SPON1: variants seen among roughly 807,000 people sequenced by gnomAD.
The protein encoded by SPON1 is spondin-1.
In SPON1, 52 loss-of-function variants were observed where a neutral mutation model predicts 111.7. The ratio of observed to expected loss-of-function variants is 0.47; its 90% confidence interval spans 0.37 to 0.59. SPON1 has a LOEUF of 0.59. Ranked by LOEUF, SPON1 falls within the 20% of genes least tolerant of loss-of-function variation. The pLI, the probability that SPON1 is intolerant of heterozygous loss-of-function variation, is 0.00. For synonymous variants in SPON1, 410 were observed against 395.8 expected (o/e 1.04, Z -0.43); for missense variants, 957 against 1,068.5 (o/e 0.90, Z 1.46).
rs1393577150 is a variant in SPON1, at chr11:14,041,754, C to T, written c.479+100C>T. The T allele has an allele frequency of 3.7e-6, 5 of 1,350,792 alleles. No individual in the cohort carries two copies. In the East Asian group the frequency reaches 9.7e-5, roughly 26 times the overall value. 83.7% of individuals were successfully genotyped at this position (1,350,792 alleles called of 1,614,324 possible). The stretch of plus-strand genomic sequence containing the variant: ...TTCTTTACTGAGCATCAGAAAGTTG[C>T]ATCATCTCTCTGCCCTCCCTTATCT... On this transcript the variant is annotated intron_variant, in intron 3 of 15. Coordinates refer to ENST00000576479, the MANE Select transcript of SPON1 (RefSeq NM_006108.4).
At chr11:13,963,292 C>T in intron 1 of SPON1, 150 bp downstream of exon 1, 1 of 575,720 alleles carries the variant, frequency 1.7e-6, no homozygotes, top group Non-Finnish European at 2.9e-6. Context: ...TGCCCTCGGC[C>T]CTTGCAGTCG....
At chr11:14,147,673 T>G (rs889580392) in intron 6 of SPON1, among the ~76,000 whole-genome samples, 1 of 151,522 alleles carries the variant, frequency 6.6e-6, no homozygotes, top group Non-Finnish European at 1.5e-5. Flanking sequence ...TGCCTTGGCC[T>G]CCCAAAGTGC....
At chr11:14,160,673 A>T in intron 6 of SPON1, among the ~76,000 whole-genome samples, 1 of 15,408 alleles carries the variant, frequency 6.5e-5, no homozygotes, top group East Asian at 2.7e-3. Context: ...ATATATTTAC[A>T]TATATTTATA....
chr11:14,190,632 C>CTT (rs1554934452), intron 6 of SPON1, among the ~76,000 whole-genome samples: 46 of 137,210 alleles, frequency 3.4e-4, no homozygotes, highest in Middle Eastern at 3.8e-3. Flanking sequence ...CTTTTCTTTT[C>CTT]TTTTTCTTTT....
chr11:14,255,861 T>C, intron 9 of SPON1, 74 bp downstream of exon 9: 1 of 1,490,804 alleles, frequency 6.7e-7, no homozygotes, highest in Admixed American at 2.0e-5. Flanking sequence ...ACCCTTCTGC[T>C]CTAGAATCAT....
chr11:14,177,445 G>A (rs1053634991), intron 6 of SPON1, among the ~76,000 whole-genome samples: 2 of 152,120 alleles, frequency 1.3e-5, no homozygotes, highest in Admixed American at 1.3e-4. Context: ...TTCTTGTGCT[G>A]AGTCAGTTCC....
At chr11:14,191,785 G>A (rs1262935907) in intron 6 of SPON1, among the ~76,000 whole-genome samples, 1 of 152,204 alleles carries the variant, frequency 6.6e-6, no homozygotes, top group East Asian at 1.9e-4. Context: ...TGCTGATTAT[G>A]AAAGCTGTAA....
At chr11:14,250,988 G>C (rs879955598) in intron 7 of SPON1, among the ~76,000 whole-genome samples, 4 of 152,202 alleles carry the variant, frequency 2.6e-5, no homozygotes, top group East Asian at 3.8e-4. Context: ...ATATAGCTAT[G>C]AGCACGGCAG....
chr11:14,144,850 G>T (rs1847700362), intron 6 of SPON1, among the ~76,000 whole-genome samples: 1 of 152,154 alleles, frequency 6.6e-6, no homozygotes, highest in Non-Finnish European at 1.5e-5. Flanking sequence ...CAAGGCTTCT[G>T]GGAGTCAGAT....
In SPON1 at chr11:14,141,029, C is replaced by CCACCCA. The variant is rs71041572; in HGVS notation, c.825+5461_825+5462insCACCCA. On this transcript the variant is annotated intron_variant, in intron 6 of 15. Coordinates refer to ENST00000576479, the MANE Select transcript of SPON1 (RefSeq NM_006108.4). ...CCACTGTATGCAGGCGTGCCCCCCCCATGCCCCACTTCTCACTGGCTCAAG... is the reference window on the plus strand; with the variant it reads ...CCACTGTATGCAGGCGTGCCCCCCCCCACCCAATGCCCCACTTCTCACTGGCTCAAG... Among the ~76,000 whole-genome samples the CCACCCA allele has an allele frequency of 4.5e-5, 6 of 132,370 alleles. 1 individual carries two copies. Among genetic ancestry groups the CCACCCA allele is most frequent in the East Asian group, 2.6e-4 (1 of 3,912 alleles). The allele number at this position is 132,370 out of a possible 152,430, so 86.8% of individuals were successfully genotyped here. A position where few individuals can be genotyped will look rare whatever the true frequency, so the allele number is the denominator to read the frequency against.
intron 1 of SPON1, 53 bp from the exon 2 acceptor site, chr11:13,982,794 A>G: frequency 8.0e-7 from 1 of 1,255,246 alleles, no homozygotes; most frequent in Middle Eastern, 1.9e-4. Flanking sequence ...CATTTGACAA[A>G]TGGACAATAA....
At chr11:14,251,300 T>C (rs1253834149) in intron 7 of SPON1, among the ~76,000 whole-genome samples, 1 of 152,192 alleles carries the variant, frequency 6.6e-6, no homozygotes, top group Non-Finnish European at 1.5e-5. Flanking sequence ...GACCTCATAG[T>C]CAGGAATTGG....
intron 2 of SPON1, among the ~76,000 whole-genome samples, chr11:13,987,820 A>C (rs1848197185): frequency 6.6e-6 from 1 of 152,182 alleles, no homozygotes; most frequent in African/African-American, 2.4e-5. Context: ...TGGGGAAAAG[A>C]TTCCCTATTT....
At chr11:14,162,278 A>G (rs1181453172) in intron 6 of SPON1, among the ~76,000 whole-genome samples, 4 of 152,202 alleles carry the variant, frequency 2.6e-5, no homozygotes, top group Admixed American at 6.5e-5. Flanking sequence ...TAACCAATGT[A>G]TATATAGGAA....
intron 6 of SPON1, among the ~76,000 whole-genome samples, chr11:14,198,688 G>A (rs1161883249): frequency 2.6e-5 from 4 of 152,136 alleles, no homozygotes; most frequent in Non-Finnish European, 5.9e-5. Flanking sequence ...CACCTCTTTC[G>A]GGGTAAATAA....
At chr11:14,187,728 C>T (rs1364888660) in intron 6 of SPON1, among the ~76,000 whole-genome samples, 4 of 152,208 alleles carry the variant, frequency 2.6e-5, no homozygotes, top group African/African-American at 4.8e-5. Flanking sequence ...AATTCTCCTG[C>T]CTCAGCCTCC....
At chr11:14,075,177 A>G (rs1156460230) in intron 3 of SPON1, among the ~76,000 whole-genome samples, 168 bp from the exon 4 acceptor site, 3 of 152,038 alleles carry the variant, frequency 2.0e-5, no homozygotes, top group Non-Finnish European at 1.5e-5. Flanking sequence ...TCTCACCACA[A>G]CCCCATAAAG....
At chr11:14,163,270 G>T (rs1398262460) in intron 6 of SPON1, among the ~76,000 whole-genome samples, 2 of 152,218 alleles carry the variant, frequency 1.3e-5, no homozygotes, top group African/African-American at 4.8e-5. Context: ...GAGGCTCAAA[G>T]GAATGAAATG....
At chr11:14,115,706 G>C (rs1554925898) in intron 5 of SPON1, among the ~76,000 whole-genome samples, 1 of 152,112 alleles carries the variant, frequency 6.6e-6, no homozygotes, top group Non-Finnish European at 1.5e-5. Flanking sequence ...GTTTGGGGCT[G>C]TAATGAACAG....
Sources: allele counts gnomAD v4.1 joint callset (sites outside exome capture counted in the v4.1 genomes callset), GRCh38; gene constraint gnomAD v4.1.1; transcripts MANE v1.5; gene names NCBI Gene and HGNC (gene_info 2026-07-23, HGNC 2026-07-21).